ABCC4: variants seen among roughly 807,000 people sequenced by gnomAD.
ABCC4 encodes the protein ATP-binding cassette sub-family C member 4.
In ABCC4, 102 loss-of-function variants were observed where a neutral mutation model predicts 168.5. The observed-to-expected ratio is 0.61, with a 90% CI of 0.52 to 0.71. The LOEUF is 0.71. ABCC4 is among the 30% of genes least tolerant of loss of function. ABCC4 has a pLI of 0.00. For synonymous variants in ABCC4, 617 were observed against 590.7 expected (o/e 1.04, Z -0.65); for missense variants, 1,402 against 1,605.8 (o/e 0.87, Z 2.17).
At chr13:95,137,378 G>C (rs1335537346) in intron 19 of ABCC4, among the ~76,000 whole-genome samples, 3 of 152,204 alleles carry the variant, frequency 2.0e-5, no homozygotes, top group Non-Finnish European at 4.4e-5. Flanking sequence ...AGTCACAGTG[G>C]CATTAATTTG....
chr13:95,196,172 A>G (rs1292592633), intron 8 of ABCC4, among the ~76,000 whole-genome samples: 1 of 151,184 alleles, frequency 6.6e-6, no homozygotes, highest in East Asian at 1.9e-4. Flanking sequence ...GAAACAGAAT[A>G]AACAACCTAG....
intron 14 of ABCC4, among the ~76,000 whole-genome samples, chr13:95,169,133 CT>C (rs2037382124): frequency 6.6e-6 from 1 of 152,170 alleles, no homozygotes; most frequent in Non-Finnish European, 1.5e-5. Context: ...GGATTCTCCC[CT>C]GAAGCCTTCA....
chr13:95,044,299 A>G lies in ABCC4; in HGVS notation c.3596T>C (p.Ile1199Thr). ...CACATTTGCCGTCGCTTCATCAATA[A>G]TCAATATCTGATTTTTCCTGAGAAT... Reference protein sequence around the residue: ...RAILRKNQILIIDEATANVDP... With the variant: ...RAILRKNQILTIDEATANVDP... Residue 1199 changes from isoleucine (I) to threonine (T), a missense_variant, in exon 28 of 31, where the codon ATT becomes ACT. Physicochemically the swap from Ile to Thr is moderately conservative, Grantham distance 89. Coordinates refer to ENST00000645237, the MANE Select transcript of ABCC4 (RefSeq NM_005845.5). 6.2e-7 allele frequency: 1 copy of G among 1,613,472 alleles called. No homozygotes were observed. The highest frequency in any genetic ancestry group is 8.5e-7 in the Non-Finnish European group (1 of 1,179,764).
At chr13:95,081,238 C>T (rs1344955845) in intron 21 of ABCC4, among the ~76,000 whole-genome samples, 1 of 151,948 alleles carries the variant, frequency 6.6e-6, no homozygotes, top group Non-Finnish European at 1.5e-5. Context: ...TCCTACACTG[C>T]TTCCCAAAAA....
chr13:95,267,775 C>T (rs986413977), intron 1 of ABCC4, among the ~76,000 whole-genome samples: 1 of 152,184 alleles, frequency 6.6e-6, no homozygotes, highest in Non-Finnish European at 1.5e-5. Context: ...CTGATGCTAA[C>T]AGATGACTCA....
chr13:95,050,626 C>G (rs1049188147), intron 27 of ABCC4, among the ~76,000 whole-genome samples: 3 of 152,144 alleles, frequency 2.0e-5, no homozygotes, highest in African/African-American at 7.2e-5. Flanking sequence ...CACAGAAAAA[C>G]CTACAATGCC....
At chr13:95,241,533 C>G (rs4283094) in intron 3 of ABCC4, among the ~76,000 whole-genome samples, 81,589 of 151,840 alleles carry the variant, frequency 0.54, 22,739 homozygotes, top group African/African-American at 0.67. Context: ...TCCTGCCCCC[C>G]CTGCAGGCTC....
chr13:95,257,544 TC>T (rs2040423222), intron 1 of ABCC4, among the ~76,000 whole-genome samples: 2 of 151,778 alleles, frequency 1.3e-5, no homozygotes, highest in South Asian at 4.2e-4. Context: ...GCGGTGCACA[TC>T]CCAGCTACTC....
At chr13:95,077,292 C>T (rs768670723) in intron 21 of ABCC4, among the ~76,000 whole-genome samples, 1 of 152,176 alleles carries the variant, frequency 6.6e-6, no homozygotes, top group Non-Finnish European at 1.5e-5. Flanking sequence ...AGAGAAGACC[C>T]TGTTAGTAAA....
At chr13:95,271,882 G>T (rs2138883121) in intron 1 of ABCC4, among the ~76,000 whole-genome samples, 1 of 152,218 alleles carries the variant, frequency 6.6e-6, no homozygotes, top group Admixed American at 6.5e-5. Flanking sequence ...AACCACCCAA[G>T]AAGTCTGATC....
intron 15 of ABCC4, among the ~76,000 whole-genome samples, chr13:95,165,144 A>C (rs2037230558): frequency 6.6e-6 from 1 of 152,196 alleles, no homozygotes; most frequent in Non-Finnish European, 1.5e-5. Flanking sequence ...TTCAAGTGTC[A>C]ATACAGAAAC....
intron 11 of ABCC4, among the ~76,000 whole-genome samples, chr13:95,184,043 A>G (rs1478667653): frequency 6.6e-6 from 1 of 152,234 alleles, no homozygotes; most frequent in South Asian, 2.1e-4. Flanking sequence ...CCAGCAGTCC[A>G]TGCTTACACA....
Position 95,206,575 on chromosome 13 carries a change from A to G in ABCC4, c.1118T>C (p.Ile373Thr), listed in dbSNP as rs2038786719. The G allele has an allele frequency of 6.2e-7, 1 of 1,614,020 alleles. No homozygotes were observed. The highest frequency in any genetic ancestry group is 1.3e-5 in the African/African-American group (1 of 74,910). ...GACGATTGCCTCTGACACCCTCTCA[A>G]TGGCTGAGGGGAAGAAGAGGGTAAC... ...LTVTLFFPSA[I>T]ERVSEAIVSI... Residue 373 changes from isoleucine to threonine, a missense_variant, in exon 8 of 31, where the codon ATT becomes ACT. Ile to Thr is a moderately conservative substitution (Grantham distance 89). Transcript: ENST00000645237.
At chr13:95,050,051 T>C (rs1237899031) in intron 27 of ABCC4, among the ~76,000 whole-genome samples, 1 of 152,114 alleles carries the variant, frequency 6.6e-6, no homozygotes, top group East Asian at 1.9e-4. Flanking sequence ...TGGATATCAA[T>C]GAAAGATGAA....
At chr13:95,291,520 T>C (rs1362376471) in intron 1 of ABCC4, among the ~76,000 whole-genome samples, 1 of 152,144 alleles carries the variant, frequency 6.6e-6, no homozygotes, top group African/African-American at 2.4e-5. Context: ...CTAGAGGACA[T>C]TCCTAGGACC....
At chr13:95,221,997 C>T (rs1052693683) in intron 4 of ABCC4, among the ~76,000 whole-genome samples, 1 of 152,188 alleles carries the variant, frequency 6.6e-6, no homozygotes, top group Non-Finnish European at 1.5e-5. Flanking sequence ...GGCCCTTTCT[C>T]TAGAAATTCT....
intron 19 of ABCC4, among the ~76,000 whole-genome samples, chr13:95,129,118 T>A (rs564262742): frequency 2.6e-5 from 4 of 152,234 alleles, no homozygotes; most frequent in Non-Finnish European, 5.9e-5. Context: ...ATGGGTTCTT[T>A]GGGGTTAGCT....
At chr13:95,038,478 T>C (rs1322781098) in intron 29 of ABCC4, among the ~76,000 whole-genome samples, 1 of 151,446 alleles carries the variant, frequency 6.6e-6, no homozygotes, top group Non-Finnish European at 1.5e-5. Context: ...AAGTCACCTC[T>C]GGCCAAAATT....
intron 30 of ABCC4, among the ~76,000 whole-genome samples, chr13:95,027,874 T>A (rs2031625696): frequency 6.6e-6 from 1 of 152,074 alleles, no homozygotes; most frequent in South Asian, 2.1e-4. Flanking sequence ...ACTAAAATCA[T>A]CTATTAAAAA....
Sources: gnomAD v4.1 joint callset for allele counts (sites outside exome capture counted in the v4.1 genomes callset) on GRCh38, gnomAD v4.1.1 for gene constraint, MANE v1.5 for transcripts, NCBI Gene and HGNC (gene_info 2026-07-23, HGNC 2026-07-21) for gene names.